DCT: variants seen among roughly 807,000 people sequenced by gnomAD.
The protein encoded by DCT is dopachrome tautomerase, also known as L-dopachrome tautomerase.
A neutral mutation model predicts 53.0 loss-of-function variants in DCT; 47 were observed. The observed-to-expected ratio is 0.89, with a 90% CI of 0.70 to 1.13. DCT has a LOEUF of 1.13. Among genes scored for constraint, DCT ranks in the 50% most tolerant of loss-of-function variants. The probability of loss-of-function intolerance (pLI) is 0.00; values close to 1 mark genes in which losing one functional copy is unlikely to be tolerated. For synonymous variants in DCT, 244 were observed against 237.0 expected (o/e 1.03, Z -0.27); for missense variants, 669 against 637.4 (o/e 1.05, Z -0.53).
intron 6 of DCT, chr13:94,452,463 G>A: frequency 1.7e-6 from 1 of 594,766 alleles, no homozygotes; most frequent in South Asian, 2.1e-5. Context: ...AATGATGGGG[G>A]AACTGTGGCT....
rs764047768 is a variant in DCT at position 94,460,191 on chromosome 13, G to A, written c.1079C>T (p.Thr360Ile). The A allele has an allele frequency of 3.7e-6, 6 of 1,613,672 alleles. No homozygotes were observed. The African/African-American group carries it at 8.0e-5, about 22-fold the overall frequency. ...AAGGCTCATCACTTGAGAATCCAGA[G>A]TCCCATCTGCTTTATCAAACCCTTC... ...ALEGFDKADG[T>I]LDSQVMSLHN... is the part of the protein sequence containing the mutation. The change falls in exon 6 of 8, where the codon ACT (threonine) becomes ATT (isoleucine). Residue 360 changes from threonine (T) to isoleucine (I), a missense_variant. By Grantham distance (89) the Thr-to-Ile change is moderately conservative. Coordinates refer to ENST00000377028, the MANE Select transcript of DCT (RefSeq NM_001922.5).
chr13:94,513,257 G>C, the DCT span, among the ~76,000 whole-genome samples: 1 of 152,146 alleles, frequency 6.6e-6, no homozygotes, highest in Non-Finnish European at 1.5e-5. Context: ...ATGCTAACAG[G>C]CTGCTTTCCA....
chr13:94,463,892 G>C (rs369913751), intron 4 of DCT, among the ~76,000 whole-genome samples: 2 of 152,292 alleles, frequency 1.3e-5, no homozygotes, highest in South Asian at 2.1e-4. Context: ...GGATTCCAAT[G>C]GGATGTCCGG....
At position 94,437,227 on chromosome 13, in the gene DCT, A is replaced by G. The variant is rs985278421; in HGVS notation, c.*2671T>C. The G allele has an allele frequency of 1.3e-5, 2 of 152,218 alleles. No individual in the cohort carries two copies. The highest frequency in any genetic ancestry group is 2.9e-5 in the Non-Finnish European group (2 of 68,028). The allele number at this position is 152,218 out of a possible 1,614,324, so 9.4% of individuals were successfully genotyped here. On this transcript the variant is annotated 3_prime_UTR_variant, in exon 8 of 8. Coordinates refer to ENST00000377028, the MANE Select transcript of DCT (RefSeq NM_001922.5). Reference sequence around the variant, plus strand: ...ATATTTTACATGTATATATATTTCAATATACATGCTGAGTGCCCAAAAGAT... The same window carrying G: ...ATATTTTACATGTATATATATTTCAGTATACATGCTGAGTGCCCAAAAGAT...
the DCT span, among the ~76,000 whole-genome samples, chr13:94,491,722 G>T: frequency 1.3e-5 from 2 of 152,128 alleles, no homozygotes; most frequent in South Asian, 4.2e-4. Flanking sequence ...AGACTTAGCT[G>T]CTTTCTGGTG....
Position 94,479,052 on chromosome 13 carries a change from T to G in DCT, c.204A>C (p.Thr68=). 6.2e-7 allele frequency: 1 copy of G among 1,614,236 alleles called. No individual in the cohort carries two copies. The highest frequency in any genetic ancestry group is 8.5e-7 in the Non-Finnish European group (1 of 1,180,032). The change falls in exon 1 of 8, where the codon ACA becomes ACC. Residue 68 remains threonine (T), a synonymous_variant. Transcript: ENST00000377028. Reference sequence around the variant, plus strand: ...GGATGTAGGGACCACTCCAGGGCCTTGTGTCGGCTCGCACCTCTGTGCACT... The same window carrying G: ...GGATGTAGGGACCACTCCAGGGCCTGGTGTCGGCTCGCACCTCTGTGCACT... ...RGQCTEVRAD[T]RPWSGPYILR... is the part of the protein sequence containing the mutation.
chr13:94,486,186 A>T, the DCT span, among the ~76,000 whole-genome samples: 1 of 152,178 alleles, frequency 6.6e-6, no homozygotes, highest in Admixed American at 6.5e-5. Context: ...TCTCTGGGGA[A>T]GTCAGCACAG....
At chr13:94,455,567 G>T (rs1185139454) in intron 6 of DCT, among the ~76,000 whole-genome samples, 1 of 152,150 alleles carries the variant, frequency 6.6e-6, no homozygotes, top group Non-Finnish European at 1.5e-5. Context: ...GTTTATGCAT[G>T]ATCTATGGCT....
At chr13:94,537,091 C>A in the DCT span, among the ~76,000 whole-genome samples, 3 of 152,170 alleles carry the variant, frequency 2.0e-5, no homozygotes, top group African/African-American at 4.8e-5. Flanking sequence ...TATAGCAATG[C>A]AAAACAAGCT....
upstream of DCT, among the ~76,000 whole-genome samples, chr13:94,481,729 CTT>C (rs1051380215): frequency 3.9e-5 from 6 of 152,194 alleles, no homozygotes; most frequent in African/African-American, 1.4e-4. Context: ...TATTATCTAA[CTT>C]CCTACTGGAC....
the DCT span, among the ~76,000 whole-genome samples, chr13:94,485,595 C>T: frequency 1.3e-5 from 2 of 152,144 alleles, no homozygotes; most frequent in African/African-American, 4.8e-5. Context: ...GTAAATGAAC[C>T]ATCATCTATA....
At chr13:94,532,813 A>G in the DCT span, among the ~76,000 whole-genome samples, 1,464 of 152,230 alleles carry the variant, frequency 9.6e-3, 9 homozygotes, top group Non-Finnish European at 0.017. Context: ...ATAAATGGCA[A>G]TCCTTGAAAA....
At position 94,443,382 on chromosome 13, in the gene DCT, G is replaced by A. The variant is rs147326708; in HGVS notation, c.1381+54C>T. ...CATTATAAAGAAAGAAAGCAAGAAA[G>A]CTAGCTTCTTTAGAAGATGAATGAA... is the stretch of plus-strand genomic sequence containing the variant. On this transcript the variant is annotated intron_variant, in intron 7 of 7. Coordinates refer to ENST00000377028, the MANE Select transcript of DCT (RefSeq NM_001922.5). The A allele has an allele frequency of 4.4e-6, 6 of 1,361,222 alleles. No homozygotes were observed. The African/African-American group carries it at 7.2e-5, about 16-fold the overall frequency. 84.3% of individuals were successfully genotyped at this position (1,361,222 alleles called of 1,614,324 possible).
the DCT span, among the ~76,000 whole-genome samples, chr13:94,529,766 C>T: frequency 6.6e-5 from 10 of 152,134 alleles, no homozygotes; most frequent in African/African-American, 2.2e-4. Context: ...CAAAAGCTAG[C>T]AGAAGGCAAG....
the DCT span, among the ~76,000 whole-genome samples, chr13:94,508,711 G>C: frequency 6.6e-6 from 1 of 152,182 alleles, no homozygotes; most frequent in African/African-American, 2.4e-5. Context: ...TGAGAAAGAA[G>C]AATAGGGGGC....
rs2139383972 is a variant in DCT, at chr13:94,479,305, G to A, written c.-50C>T. On this transcript the variant is annotated 5_prime_UTR_variant, in exon 1 of 8. Transcript: ENST00000377028. Reference sequence around the variant, plus strand: ...TCTCTCTCTTACTTTCCTTGTCTCTGTCGTACTTTTCTCCTTATCTTCTAC... The same window carrying A: ...TCTCTCTCTTACTTTCCTTGTCTCTATCGTACTTTTCTCCTTATCTTCTAC... 6.9e-7 allele frequency: 1 copy of A among 1,453,926 alleles called. No individual in the cohort carries two copies. The highest frequency in any genetic ancestry group is 9.2e-7 in the Non-Finnish European group (1 of 1,086,108). 90.1% of individuals were successfully genotyped at this position (1,453,926 alleles called of 1,614,324 possible).
intron 4 of DCT, among the ~76,000 whole-genome samples, chr13:94,464,279 C>T (rs1884013284): frequency 6.6e-6 from 1 of 152,212 alleles, no homozygotes; most frequent in African/African-American, 2.4e-5. Context: ...CCGGGGGAGC[C>T]ACAGCTCTGT....
the DCT span, among the ~76,000 whole-genome samples, chr13:94,490,341 C>A: frequency 6.6e-6 from 1 of 151,626 alleles, no homozygotes; most frequent in East Asian, 1.9e-4. Context: ...CCTGTCTCTA[C>A]TAAAAATACA....
intron 6 of DCT, among the ~76,000 whole-genome samples, chr13:94,445,267 A>G (rs1470775172): frequency 2.0e-5 from 3 of 152,176 alleles, no homozygotes; most frequent in Non-Finnish European, 2.9e-5. Context: ...TGACTCTTTT[A>G]TAACCAATAA....
Sources: allele counts gnomAD v4.1 joint callset (sites outside exome capture counted in the v4.1 genomes callset), GRCh38; gene constraint gnomAD v4.1.1; transcripts MANE v1.5; gene names NCBI Gene and HGNC (gene_info 2026-07-23, HGNC 2026-07-21).